Variants in SHANK2 observed in about 807,000 individuals in gnomAD.
The protein encoded by SHANK2 is SH3 and multiple ankyrin repeat domains 2.
In SHANK2, 43 loss-of-function variants were observed where a neutral mutation model predicts 133.7. The observed-to-expected ratio is 0.32, with a 90% CI of 0.25 to 0.41. The LOEUF is 0.41. SHANK2 is among the 10% of genes least tolerant of loss of function. SHANK2 has a pLI of 1.00. For missense variants in SHANK2, 1,994 were observed against 2,235.8 expected, an observed-to-expected ratio of 0.89 and a Z score of 2.18; for synonymous variants, 1,017 against 952.8, an observed-to-expected ratio of 1.07 and a Z score of -1.24.
chr11:70,586,331 A>G (rs1554986729), intron 17 of SHANK2, among the ~76,000 whole-genome samples: 2 of 152,166 alleles, frequency 1.3e-5, no homozygotes, highest in African/African-American at 4.8e-5. Flanking sequence ...AAGAATCTTT[A>G]AAAGCTGGGC....
intron 11 of SHANK2, among the ~76,000 whole-genome samples, chr11:70,888,127 C>T (rs1195844417): frequency 6.6e-6 from 1 of 151,856 alleles, no homozygotes. Context: ...ACACCACCCA[C>T]CCCCACCCAA....
intron 13 of SHANK2, among the ~76,000 whole-genome samples, chr11:70,799,257 G>C (rs987184051): frequency 6.6e-6 from 1 of 152,124 alleles, no homozygotes; most frequent in African/African-American, 2.4e-5. Flanking sequence ...AATTAGCTGG[G>C]CATGGTGGCC....
intron 21 of SHANK2, among the ~76,000 whole-genome samples, chr11:70,498,547 G>A (rs1041474196): frequency 8.5e-5 from 13 of 152,314 alleles, no homozygotes; most frequent in South Asian, 8.3e-4. Flanking sequence ...CCTGACAGCC[G>A]GCTTCTTCCT....
chr11:71,173,651 G>T (rs936561047), intron 2 of SHANK2, among the ~76,000 whole-genome samples: 1 of 152,242 alleles, frequency 6.6e-6, no homozygotes, highest in Non-Finnish European at 1.5e-5. Flanking sequence ...GGCGTGAAGA[G>T]TGTCCTCTCA....
chr11:70,664,695 G>A (rs1944646293), intron 15 of SHANK2, among the ~76,000 whole-genome samples: 1 of 152,212 alleles, frequency 6.6e-6, no homozygotes. Context: ...CTTCCTGCCA[G>A]CATACCCTGC....
chr11:71,146,471 CG>C (rs1458103275), intron 3 of SHANK2, among the ~76,000 whole-genome samples: 2 of 152,208 alleles, frequency 1.3e-5, no homozygotes, highest in Non-Finnish European at 2.9e-5. Flanking sequence ...CCAACCTCCT[CG>C]GGGAAGGCAA....
chr11:71,120,586 C>T (rs1209952606), intron 3 of SHANK2, among the ~76,000 whole-genome samples: 3 of 152,144 alleles, frequency 2.0e-5, no homozygotes, highest in African/African-American at 7.2e-5. Flanking sequence ...TCCTGTTTCT[C>T]CCTTCCAATG....
intron 17 of SHANK2, among the ~76,000 whole-genome samples, chr11:70,609,276 G>A (rs533144334): frequency 3.9e-5 from 6 of 152,240 alleles, no homozygotes; most frequent in Non-Finnish European, 8.8e-5. Context: ...GTTTCAAAGC[G>A]AAAGAGGAAG....
chr11:70,552,238 C>A (rs752103976), intron 17 of SHANK2, among the ~76,000 whole-genome samples: 1 of 152,134 alleles, frequency 6.6e-6, no homozygotes, highest in Non-Finnish European at 1.5e-5. Flanking sequence ...TGCGAACAAA[C>A]GCACACAGGC....
chr11:70,592,969 C>T (rs1477430625), intron 17 of SHANK2, among the ~76,000 whole-genome samples: 7 of 152,174 alleles, frequency 4.6e-5, no homozygotes, highest in Non-Finnish European at 8.8e-5. Flanking sequence ...AGCAAACCCT[C>T]GCCGAAAGGA....
intron 11 of SHANK2, among the ~76,000 whole-genome samples, chr11:70,854,176 G>T (rs935299033): frequency 2.0e-5 from 3 of 152,258 alleles, no homozygotes; most frequent in African/African-American, 4.8e-5. Context: ...TAATTTCTAC[G>T]AAGACCACAT....
At chr11:70,900,088 G>A (rs1950002456) in intron 10 of SHANK2, among the ~76,000 whole-genome samples, 1 of 152,214 alleles carries the variant, frequency 6.6e-6, no homozygotes, top group African/African-American at 2.4e-5. Flanking sequence ...AGGCGCTGCG[G>A]CTCACACCTG....
chr11:70,679,390 T>G (rs1446267930), intron 15 of SHANK2, among the ~76,000 whole-genome samples: 5 of 152,168 alleles, frequency 3.3e-5, no homozygotes, highest in Non-Finnish European at 5.9e-5. Flanking sequence ...AGCCCCCTTT[T>G]GAGGAGCAGG....
chr11:71,166,960 G>C (rs575929515), intron 2 of SHANK2, among the ~76,000 whole-genome samples: 1 of 138,546 alleles, frequency 7.2e-6, no homozygotes, highest in African/African-American at 2.5e-5. Context: ...TGTGTCCCTG[G>C]GTACTTGAGA....
intron 8 of SHANK2, 42 bp from the exon 9 acceptor site, chr11:71,075,317 CA>C (rs1169381076): frequency 6.0e-6 from 1 of 166,008 alleles, no homozygotes; most frequent in African/African-American, 2.4e-5. Flanking sequence ...AACCCTCCGC[CA>C]CGACAGCCGC....
chr11:70,756,660 G>A (rs1030026513), intron 14 of SHANK2, among the ~76,000 whole-genome samples: 2 of 152,178 alleles, frequency 1.3e-5, no homozygotes, highest in African/African-American at 2.4e-5. Flanking sequence ...AGGGGAAGAC[G>A]GGGAGGCTTG....
intron 17 of SHANK2, among the ~76,000 whole-genome samples, chr11:70,650,824 C>T (rs1371984481): frequency 6.6e-6 from 1 of 152,210 alleles, no homozygotes; most frequent in African/African-American, 2.4e-5. Context: ...TTTTTGCCTA[C>T]CCCTTCTAGA....
intron 14 of SHANK2, among the ~76,000 whole-genome samples, chr11:70,765,919 CACCTTGGAAACGGGAAGAAAGCCATT>C (rs570242911): frequency 2.0e-3 from 297 of 152,272 alleles, no homozygotes; most frequent in African/African-American, 6.9e-3. Context: ...ACGGGGTGAG[CACCTTGGAAACGGGAAGAAAGCCATT>C]ACCTAGGAGG....
intron 3 of SHANK2, among the ~76,000 whole-genome samples, chr11:71,133,636 G>C (rs1445576401): frequency 5.3e-5 from 8 of 151,956 alleles, no homozygotes; most frequent in Non-Finnish European, 1.0e-4. Context: ...GAGTGGAGGG[G>C]TGGTCTAGGG....
Sources: gnomAD v4.1 joint callset for allele counts (sites outside exome capture counted in the v4.1 genomes callset) on GRCh38, gnomAD v4.1.1 for gene constraint, MANE v1.5 for transcripts, NCBI Gene and HGNC (gene_info 2026-07-23, HGNC 2026-07-21) for gene names.